CDH13: variants seen among roughly 807,000 people sequenced by gnomAD.
CDH13 encodes cadherin 13, also known as cadherin-13.
CDH13 carries 24 observed loss-of-function variants against 63.8 expected under a neutral mutation model. The ratio of observed to expected loss-of-function variants is 0.38; its 90% CI spans 0.27 to 0.53. The LOEUF (loss-of-function observed/expected upper bound fraction) is 0.53, where lower values mean the gene tolerates loss of function less well. Ranked by LOEUF, CDH13 falls within the 20% of genes least tolerant of loss-of-function variation. CDH13 has a pLI of 0.85. For synonymous variants in CDH13, 503 were observed against 355.3 expected (o/e 1.42, Z -4.67); for missense variants, 1,049 against 903.1 (o/e 1.16, Z -2.07).
chr16:83,020,275 T>C (rs1008407504), intron 2 of CDH13, among the ~76,000 whole-genome samples: 7 of 152,240 alleles, frequency 4.6e-5, no homozygotes, highest in Non-Finnish European at 8.8e-5. Context: ...TGGTTATTTC[T>C]GGAAGACCTC....
At chr16:82,965,374 T>C (rs1243149065) in intron 2 of CDH13, among the ~76,000 whole-genome samples, 1 of 152,254 alleles carries the variant, frequency 6.6e-6, no homozygotes, top group Non-Finnish European at 1.5e-5. Context: ...TTTGGTTTTA[T>C]TCTCATTTAA....
At chr16:82,834,549 C>T (rs1199957276) in intron 1 of CDH13, among the ~76,000 whole-genome samples, 4 of 141,996 alleles carry the variant, frequency 2.8e-5, no homozygotes, top group Admixed American at 6.9e-5. Context: ...TTTGCAGCCA[C>T]CCACAGCCCA....
intron 2 of CDH13, among the ~76,000 whole-genome samples, chr16:83,014,796 ATATATATG>A (rs1442738942): frequency 3.8e-4 from 31 of 81,318 alleles, no homozygotes; most frequent in Middle Eastern, 5.7e-3. Context: ...ATATTTGTAT[ATATATATG>A]TATATATATT....
intron 11 of CDH13, among the ~76,000 whole-genome samples, chr16:83,757,302 G>C (rs959657769): frequency 3.3e-5 from 5 of 152,180 alleles, no homozygotes; most frequent in Non-Finnish European, 7.3e-5. Flanking sequence ...TCCAGGCTGG[G>C]CACGGTGGCT....
At chr16:83,119,169 A>G (rs940707806) in intron 3 of CDH13, among the ~76,000 whole-genome samples, 1 of 151,584 alleles carries the variant, frequency 6.6e-6, no homozygotes, top group Admixed American at 6.6e-5. Context: ...CCTTTTTGGA[A>G]TTCTCCTCTC....
chr16:82,843,371 G>A (rs1030729666), intron 1 of CDH13, among the ~76,000 whole-genome samples: 2 of 152,184 alleles, frequency 1.3e-5, no homozygotes, highest in African/African-American at 4.8e-5. Flanking sequence ...ATGGTCAAAT[G>A]TTTGTATGAA....
At chr16:83,307,088 T>C (rs974149196) in intron 5 of CDH13, among the ~76,000 whole-genome samples, 2 of 152,170 alleles carry the variant, frequency 1.3e-5, no homozygotes, top group Admixed American at 6.5e-5. Flanking sequence ...GGGCTGTCAA[T>C]TTTCAGGAAA....
intron 6 of CDH13, among the ~76,000 whole-genome samples, chr16:83,433,824 G>A (rs987024776): frequency 1.3e-5 from 2 of 152,104 alleles, no homozygotes; most frequent in South Asian, 2.1e-4. Flanking sequence ...TTTATTACAT[G>A]GCATCATGGT....
At chr16:83,126,364 C>T (rs1248913709) in intron 4 of CDH13, among the ~76,000 whole-genome samples, 2 of 152,128 alleles carry the variant, frequency 1.3e-5, no homozygotes, top group Non-Finnish European at 1.5e-5. Flanking sequence ...ACCTGATTGG[C>T]TACTGTTTAA....
intron 2 of CDH13, among the ~76,000 whole-genome samples, chr16:82,969,276 A>G (rs921958174): frequency 2.0e-5 from 3 of 152,082 alleles, no homozygotes; most frequent in African/African-American, 7.2e-5. Context: ...CTGTATATCT[A>G]ATGGCCCTAT....
Position 83,200,995 on chromosome 16 carries a change from G to T in CDH13, c.484-16350G>T, listed in dbSNP as rs185806980. On this transcript the variant is annotated intron_variant, in intron 4 of 13. Coordinates refer to ENST00000567109, the MANE Select transcript of CDH13 (RefSeq NM_001257.5). ...TGTTATTGGGATCTTTTAACTAGGAGAATCACTCAGAATGACTCTGTTGGA... is the reference window on the plus strand; with the variant it reads ...TGTTATTGGGATCTTTTAACTAGGATAATCACTCAGAATGACTCTGTTGGA... Among the ~76,000 whole-genome samples, 3 of 150,512 alleles carry T rather than the reference G, an allele frequency of 2.0e-5. No homozygotes were observed. In the East Asian group the frequency reaches 5.9e-4, roughly 30 times the overall value.
chr16:83,625,697 C>A (rs1373431878), intron 8 of CDH13, among the ~76,000 whole-genome samples: 2 of 152,230 alleles, frequency 1.3e-5, no homozygotes, highest in Non-Finnish European at 2.9e-5. Flanking sequence ...GACCCATCGT[C>A]CCCTGAGGGA....
intron 7 of CDH13, among the ~76,000 whole-genome samples, chr16:83,509,909 A>T (rs2074517356): frequency 6.6e-6 from 1 of 152,224 alleles, no homozygotes; most frequent in African/African-American, 2.4e-5. Flanking sequence ...GCTCAAGGTC[A>T]CACAGCTACC....
intron 5 of CDH13, among the ~76,000 whole-genome samples, chr16:83,259,537 A>C (rs887120983): frequency 6.6e-6 from 1 of 152,208 alleles, no homozygotes; most frequent in Non-Finnish European, 1.5e-5. Flanking sequence ...AAATGCATCC[A>C]AAAAAGGAAA....
intron 8 of CDH13, among the ~76,000 whole-genome samples, chr16:83,617,360 T>C (rs1248627051): frequency 6.6e-6 from 1 of 152,162 alleles, no homozygotes; most frequent in Non-Finnish European, 1.5e-5. Flanking sequence ...TACTCTATTA[T>C]GTATGCTATT....
chr16:82,946,490 C>A (rs1012029988), intron 2 of CDH13, among the ~76,000 whole-genome samples: 2 of 152,114 alleles, frequency 1.3e-5, no homozygotes, highest in Admixed American at 6.6e-5. Context: ...GAGGCCAAGG[C>A]AGGCAGATCA....
At chr16:83,578,191 A>G (rs1332191018) in intron 7 of CDH13, among the ~76,000 whole-genome samples, 1 of 152,130 alleles carries the variant, frequency 6.6e-6, no homozygotes, top group Non-Finnish European at 1.5e-5. Flanking sequence ...ACCCGGGTGA[A>G]AATATATCGC....
intron 1 of CDH13, among the ~76,000 whole-genome samples, chr16:82,651,189 A>C (rs563014231): frequency 2.0e-5 from 3 of 152,262 alleles, no homozygotes; most frequent in African/African-American, 7.2e-5. Flanking sequence ...TTATTAATTT[A>C]ATGACATTTT....
intron 6 of CDH13, among the ~76,000 whole-genome samples, chr16:83,347,983 A>T (rs2151370476): frequency 6.6e-6 from 1 of 151,006 alleles, no homozygotes; most frequent in East Asian, 2.0e-4. Flanking sequence ...TGAGGTCAGG[A>T]GTTGGAGACC....
Sources: allele counts gnomAD v4.1 joint callset (sites outside exome capture counted in the v4.1 genomes callset), GRCh38; gene constraint gnomAD v4.1.1; transcripts MANE v1.5; gene names NCBI Gene and HGNC (gene_info 2026-07-23, HGNC 2026-07-21).